The following RAB3B variants were observed in gnomAD, a reference collection of about 807,000 sequenced individuals.
The protein encoded by RAB3B is ras-related protein Rab-3B.
A neutral mutation model predicts 20.5 loss-of-function variants in RAB3B; 11 were observed. That is an observed-to-expected ratio of 0.54 (90% CI 0.34 to 0.89). The LOEUF is 0.89. RAB3B is among the 40% of genes least tolerant of loss of function. The pLI, the probability that RAB3B is intolerant of heterozygous loss-of-function variation, is 0.02. For synonymous variants in RAB3B, 99 were observed against 106.3 expected (o/e 0.93, Z 0.42); for missense variants, 225 against 280.9 (o/e 0.80, Z 1.42).
chr1:51,910,481 T>G lies in RAB3B; in HGVS notation c.*9446A>C, dbSNP rs532872538. 6.6e-6 allele frequency: 1 copy of G among 152,146 alleles called. No homozygotes were observed. The highest frequency in any genetic ancestry group is 1.5e-5 in the Non-Finnish European group (1 of 68,044). 9.4% of individuals were successfully genotyped at this position (152,146 alleles called of 1,614,324 possible). A position where few individuals can be genotyped will look rare whatever the true frequency, so the allele number is the denominator to read the frequency against. On this transcript the variant is annotated 3_prime_UTR_variant, in exon 5 of 5. Coordinates refer to ENST00000371655, the MANE Select transcript of RAB3B (RefSeq NM_002867.4). The stretch of plus-strand genomic sequence containing the variant: ...CTCTTTAGGAACCTCCAGCCTAGAA[T>G]AGTCAGGCATGGACCATCCAAACAC...
intron 2 of RAB3B, among the ~76,000 whole-genome samples, chr1:51,950,178 GA>G (rs1306979917): frequency 6.6e-6 from 1 of 152,128 alleles, no homozygotes; most frequent in Non-Finnish European, 1.5e-5. Context: ...GGGCAAACAG[GA>G]ACACAAGTTC....
At chr1:51,977,907 C>T (rs1685031385) in intron 1 of RAB3B, among the ~76,000 whole-genome samples, 1 of 152,216 alleles carries the variant, frequency 6.6e-6, no homozygotes, top group Admixed American at 6.5e-5. Context: ...ACCAAAGAGG[C>T]AATTCTCTAA....
intron 4 of RAB3B, among the ~76,000 whole-genome samples, chr1:51,931,117 T>C (rs2124246599): frequency 6.6e-6 from 1 of 152,292 alleles, no homozygotes; most frequent in Non-Finnish European, 1.5e-5. Flanking sequence ...AAAATCATCC[T>C]GCACAATTCC....
chr1:51,964,647 G>C (rs566950444), intron 2 of RAB3B, among the ~76,000 whole-genome samples: 4 of 152,104 alleles, frequency 2.6e-5, no homozygotes, highest in African/African-American at 9.7e-5. Flanking sequence ...ATCTCAGTTA[G>C]AGGAATCTCC....
At chr1:51,937,996 C>CT (rs77664152) in intron 2 of RAB3B, among the ~76,000 whole-genome samples, 14,197 of 88,738 alleles carry the variant, frequency 0.16, 1,256 homozygotes, top group African/African-American at 0.26. Flanking sequence ...ATTTTTGTTT[C>CT]TTTTTTTTTT....
chr1:51,951,805 C>A (rs1684646116), intron 2 of RAB3B, among the ~76,000 whole-genome samples: 1 of 152,110 alleles, frequency 6.6e-6, no homozygotes, highest in Admixed American at 6.5e-5. Flanking sequence ...CAGAGCAAGA[C>A]AATGTCTCAA....
chr1:51,983,039 G>A (rs966404744), intron 1 of RAB3B, among the ~76,000 whole-genome samples: 5 of 152,012 alleles, frequency 3.3e-5, no homozygotes, highest in Non-Finnish European at 5.9e-5. Context: ...TCTTATATAG[G>A]TGTACCATTT....
At chr1:51,931,924 C>T (rs77242854) in intron 4 of RAB3B, among the ~76,000 whole-genome samples, 2,383 of 152,026 alleles carry the variant, frequency 0.016, 25 homozygotes, top group Non-Finnish European at 0.025. Context: ...AGGTTGAAAG[C>T]CTAAAGGGAC....
intron 2 of RAB3B, among the ~76,000 whole-genome samples, chr1:51,962,879 T>C (rs1355350454): frequency 2.6e-5 from 4 of 152,194 alleles, no homozygotes; most frequent in African/African-American, 7.2e-5. Context: ...GGAGGTGGGA[T>C]AGATGTTGTT....
intron 1 of RAB3B, among the ~76,000 whole-genome samples, chr1:51,977,936 C>A (rs557269322): frequency 6.6e-6 from 1 of 152,208 alleles, no homozygotes; most frequent in Non-Finnish European, 1.5e-5. Flanking sequence ...TTCCCATACC[C>A]CTTCTCTTCA....
At chr1:51,931,446 T>G (rs1466019190) in intron 4 of RAB3B, among the ~76,000 whole-genome samples, 1 of 152,172 alleles carries the variant, frequency 6.6e-6, no homozygotes, top group African/African-American at 2.4e-5. Context: ...GACCAGGAAA[T>G]GTAGCCTATT....
rs1683982001 is a variant in RAB3B, at chr1:51,910,404, G to C, written c.*9523C>G. Reference sequence around the variant, plus strand: ...TGTCTCTTTTCAAACAAATGGGACTGTGCTCTATTCTCAACAAGTGTCAGA... The same window carrying C: ...TGTCTCTTTTCAAACAAATGGGACTCTGCTCTATTCTCAACAAGTGTCAGA... On this transcript the variant is annotated 3_prime_UTR_variant, in exon 5 of 5. Coordinates refer to ENST00000371655, the MANE Select transcript of RAB3B (RefSeq NM_002867.4). 6.6e-6 allele frequency: 1 copy of C among 152,154 alleles called. No individual in the cohort carries two copies. The highest frequency in any genetic ancestry group is 2.1e-4 in the South Asian group (1 of 4,832). 9.4% of individuals were successfully genotyped at this position (152,154 alleles called of 1,614,324 possible).
At chr1:51,932,131 A>G (rs894145317) in intron 4 of RAB3B, among the ~76,000 whole-genome samples, 1 of 152,016 alleles carries the variant, frequency 6.6e-6, no homozygotes, top group Non-Finnish European at 1.5e-5. Context: ...AAAGTATACA[A>G]CACACACACA....
chr1:51,941,939 GA>G (rs1174917870), intron 2 of RAB3B, among the ~76,000 whole-genome samples: 1 of 152,172 alleles, frequency 6.6e-6, no homozygotes, highest in Non-Finnish European at 1.5e-5. Context: ...TTTAACACTG[GA>G]AATCTTAGAC....
chr1:51,959,366 G>A lies in RAB3B; in HGVS notation c.228+17524C>T, dbSNP rs115189852. ...AGACCCTGTCTCTATAAAAAAATTA[G>A]CCGGGTGTGGTGGCACATACCTAGG... On this transcript the variant is annotated intron_variant, in intron 2 of 4. Coordinates refer to ENST00000371655, the MANE Select transcript of RAB3B (RefSeq NM_002867.4). Among the ~76,000 whole-genome samples the A allele has an allele frequency of 7.1e-3, 1,080 of 152,138 alleles. 12 individuals are homozygous for A. Among genetic ancestry groups the A allele is most frequent in the African/African-American group, 0.025 (1,043 of 41,504 alleles).
intron 4 of RAB3B, among the ~76,000 whole-genome samples, chr1:51,925,983 G>A (rs988961112): frequency 5.9e-5 from 9 of 152,222 alleles, no homozygotes; most frequent in Admixed American, 1.3e-4. Flanking sequence ...GCCAGCTGAG[G>A]CAGGGGGAAA....
intron 2 of RAB3B, among the ~76,000 whole-genome samples, chr1:51,964,059 G>C (rs891550143): frequency 1.3e-5 from 2 of 151,974 alleles, no homozygotes; most frequent in African/African-American, 4.8e-5. Context: ...CACCCCAATT[G>C]TCTCCTTTTC....
intron 4 of RAB3B, among the ~76,000 whole-genome samples, chr1:51,925,699 A>C (rs544302707): frequency 4.6e-5 from 7 of 152,292 alleles, no homozygotes; most frequent in African/African-American, 1.7e-4. Context: ...CTTCCCCACA[A>C]CACCTCTACC....
chr1:51,953,470 G>C (rs1684666832), intron 2 of RAB3B, among the ~76,000 whole-genome samples: 1 of 152,178 alleles, frequency 6.6e-6, no homozygotes, highest in African/African-American at 2.4e-5. Context: ...AGAAATTGCA[G>C]GTGATAAAAG....
Sources: allele counts gnomAD v4.1 joint callset (sites outside exome capture counted in the v4.1 genomes callset), GRCh38; gene constraint gnomAD v4.1.1; transcripts MANE v1.5; gene names NCBI Gene and HGNC (gene_info 2026-07-23, HGNC 2026-07-21).